The following IDI1 variants were observed in gnomAD, a reference collection of about 807,000 sequenced individuals.
IDI1 encodes the protein isopentenyl-diphosphate Delta-isomerase 1.
In IDI1, 23 loss-of-function variants were observed where a neutral mutation model predicts 32.9. The ratio of observed to expected loss-of-function variants is 0.70; its 90% CI spans 0.50 to 0.99. The LOEUF is 0.99. Among genes scored for constraint, IDI1 ranks in the 50% least tolerant of loss-of-function variants. IDI1 has a pLI of 0.00. For synonymous variants in IDI1, 133 were observed against 128.2 expected (o/e 1.04, Z -0.25); for missense variants, 326 against 351.9 (o/e 0.93, Z 0.59).
Position 1,041,265 on chromosome 10 carries a change from C to G in IDI1, c.777G>C (p.Ala259=). 6.2e-7 allele frequency: 1 copy of G among 1,613,146 alleles called. No individual in the cohort carries two copies. ...KITPWFKIIA[A]TFLFKWWDNL... ...TATCCCACCATTTAAAGAGAAAAGTCGCTGCAATAATTTTAAACCATGGCG... is the reference window on the plus strand; with the variant it reads ...TATCCCACCATTTAAAGAGAAAAGTGGCTGCAATAATTTTAAACCATGGCG... The change falls in exon 5 of 5, where the codon GCG becomes GCC. Residue 259 remains alanine (A), a synonymous_variant. Transcript: ENST00000381344.
upstream of IDI1, among the ~76,000 whole-genome samples, chr10:1,051,152 A>G (rs1157639409): frequency 1.3e-5 from 2 of 152,188 alleles, no homozygotes; most frequent in African/African-American, 2.4e-5. Context: ...GAAAATACTG[A>G]TTTACTGAAT....
chr10:1,048,925 C>A lies in IDI1; in HGVS notation c.79G>T (p.Asp27Tyr). ...GGATGGCGCCCGCTTTGAGCACAGT[C>A]TGCGGCGCGCACCGCCCACTGGCCC... is the stretch of plus-strand genomic sequence containing the variant. ...GRGQWAVRAA[D>Y]CAQSGRHPGP... is the part of the protein sequence containing the mutation. Residue 27 changes from aspartate to tyrosine, a missense_variant, in exon 1 of 5, where the codon GAC becomes TAC. Asp to Tyr is a radical substitution (Grantham distance 160, BLOSUM62 -3). Transcript: ENST00000381344. 1.3e-6 allele frequency: 2 copies of A among 1,597,320 alleles called. No individual in the cohort carries two copies. Among genetic ancestry groups the A allele is most frequent in the Admixed American group, 1.7e-5 (1 of 59,186 alleles).
intron 1 of IDI1, 72 bp downstream of exon 1, chr10:1,048,792 C>G: frequency 6.4e-7 from 1 of 1,555,016 alleles, no homozygotes; most frequent in South Asian, 1.2e-5. Context: ...GGGCCTCCTC[C>G]CCGCCCCGTC....
rs144587844 is a variant in IDI1, at chr10:1,044,021, G to A, written c.291C>T (p.His97=). 61 of 1,612,180 alleles carry A rather than the reference G, an allele frequency of 3.8e-5. No homozygotes were observed. The highest frequency in any genetic ancestry group is 5.2e-5 in the Non-Finnish European group (61 of 1,179,528). Residue 97 remains histidine (H), a synonymous_variant, in exon 2 of 5, where the codon CAC becomes CAT. Transcript: ENST00000381344. ...CACCTTTCTCAATGTTCTCGTTCAG[G>A]TGACAATTCTTCTTGGTCTCAGCTC... ...KIGAETKKNC[H]LNENIEKGLL...
At chr10:1,049,597 G>A (rs1832936602), upstream of IDI1, 1 of 153,956 alleles carries the variant, frequency 6.5e-6, no homozygotes, top group South Asian at 1.8e-4. Context: ...AAGTCGCCGG[G>A]GGTGTGGGGT....
At chr10:1,052,682 AG>A (rs1311727557), upstream of IDI1, among the ~76,000 whole-genome samples, 1 of 152,152 alleles carries the variant, frequency 6.6e-6, no homozygotes, top group Non-Finnish European at 1.5e-5. Flanking sequence ...GCTGTCATCT[AG>A]GCTTTGTTGT....
At chr10:1,053,427 G>C (rs534297083), upstream of IDI1, among the ~76,000 whole-genome samples, 1 of 152,258 alleles carries the variant, frequency 6.6e-6, no homozygotes, top group Non-Finnish European at 1.5e-5. Flanking sequence ...ACTGAAGAGA[G>C]TTAGGGCCTT....
chr10:1,052,588 G>A (rs373258992), upstream of IDI1, among the ~76,000 whole-genome samples: 41 of 152,272 alleles, frequency 2.7e-4, 1 homozygote, highest in East Asian at 4.8e-3. Context: ...ATTTTGAAAC[G>A]AAATCTTTTT....
Position 1,042,751 on chromosome 10 carries a change from T to G in IDI1, c.418A>C (p.Asn140His). ...CTTAATGGATGACTACAACACGTAT[T>G]CGTAAAACAACCTGGAAAATGGTAA... ...AKITFPGCFT[N>H]TCCSHPLSNP... The change falls in exon 4 of 5, where the codon AAT (asparagine) becomes CAT (histidine). Residue 140 changes from asparagine (N) to histidine (H), a missense_variant. Around this residue, in one of 2 missense-constraint regions of IDI1, gnomAD observed 205 missense variants for 273.5 expected, o/e 0.75. Coordinates refer to ENST00000381344, the MANE Select transcript of IDI1 (RefSeq NM_004508.4). 1 of 1,613,814 alleles carries G rather than the reference T, an allele frequency of 6.2e-7. No individual in the cohort carries two copies. The highest frequency in any genetic ancestry group is 8.5e-7 in the Non-Finnish European group (1 of 1,179,794).
At chr10:1,043,460 G>GT in intron 2 of IDI1, 67 bp from the exon 3 acceptor site, 1 of 950,938 alleles carries the variant, frequency 1.1e-6, no homozygotes, top group African/African-American at 1.6e-5. Flanking sequence ...TTCTCTCCCT[G>GT]CAGTTCAGAA....
In IDI1 at chr10:1,042,747, G is replaced by C; in HGVS notation, c.422C>G (p.Thr141Arg). Residue 141 changes from threonine (T) to arginine (R), a missense_variant, in exon 4 of 5, where the codon ACG becomes AGG. This residue lies in a region of IDI1 where 205 missense variants were observed against 273.5 expected (regional missense o/e 0.75). Transcript: ENST00000381344. The part of the protein sequence containing the change: ...KITFPGCFTN[T>R]CCSHPLSNPA... ...ATTGCTTAATGGATGACTACAACAC[G>C]TATTCGTAAAACAACCTGGAAAATG... is the stretch of plus-strand genomic sequence containing the variant. 2.5e-6 allele frequency: 4 copies of C among 1,613,528 alleles called. No homozygotes were observed. Among genetic ancestry groups the C allele is most frequent in the Non-Finnish European group, 3.4e-6 (4 of 1,179,654 alleles).
intron 1 of IDI1, among the ~76,000 whole-genome samples, chr10:1,044,452 T>TA (rs1832736571): frequency 6.6e-6 from 1 of 152,346 alleles, no homozygotes; most frequent in Admixed American, 6.5e-5. Flanking sequence ...CAGCACTTGA[T>TA]ACTCAATCCT....
At position 1,049,072 on chromosome 10, in the gene IDI1, C is replaced by T. The variant is rs1832903677; in HGVS notation, c.-69G>A. 3.5e-6 allele frequency: 5 copies of T among 1,423,184 alleles called. No homozygotes were observed. The highest frequency in any genetic ancestry group is 1.5e-5 in the African/African-American group (1 of 66,330). The allele number at this position is 1,423,184 out of a possible 1,614,324, so 88.2% of individuals were successfully genotyped here. ...CGCCAAGCTTCGCCTGGTGGTGCCACCTCCCTGGCCTGTGACAACGGCAGA... is the reference window on the plus strand; with the variant it reads ...CGCCAAGCTTCGCCTGGTGGTGCCATCTCCCTGGCCTGTGACAACGGCAGA... On this transcript the variant is annotated 5_prime_UTR_variant, in exon 1 of 5. It adds an upstream start codon to the 5' untranslated region. Coordinates refer to ENST00000381344, the MANE Select transcript of IDI1 (RefSeq NM_004508.4).
intron 1 of IDI1, 73 bp downstream of exon 1, chr10:1,048,790 TC>T: frequency 6.4e-7 from 1 of 1,551,460 alleles, no homozygotes; most frequent in African/African-American, 1.4e-5. Context: ...TCGGGCCTCC[TC>T]CCCGCCCCGT....
At chr10:1,043,744 G>A in intron 2 of IDI1, 1 of 661,946 alleles carries the variant, frequency 1.5e-6, no homozygotes, top group Non-Finnish European at 2.8e-6. Context: ...GCTGCTGTAT[G>A]TCAGGGCTAG....
chr10:1,045,084 G>GT (rs1366243643), intron 1 of IDI1, among the ~76,000 whole-genome samples: 1 of 152,264 alleles, frequency 6.6e-6, no homozygotes, highest in East Asian at 1.9e-4. Context: ...CTCACAGGAC[G>GT]TAACAACAGG....
upstream of IDI1, chr10:1,049,301 G>A (rs998692341): frequency 7.1e-6 from 3 of 421,786 alleles, no homozygotes; most frequent in Non-Finnish European, 1.3e-5. Context: ...CAGACGTCTC[G>A]AGGCTCGCGT....
In IDI1 at chr10:1,040,164, C is replaced by T. The variant is rs1295170266; in HGVS notation, c.*1023G>A. ...ACATTGATCAAGGTACAATTTTTAA[C>T]ATTAATATACACATTCCATAATCTC... On this transcript the variant is annotated 3_prime_UTR_variant, in exon 5 of 5. Transcript: ENST00000381344. 6.6e-6 allele frequency: 1 copy of T among 152,188 alleles called. No homozygotes were observed. The highest frequency in any genetic ancestry group is 2.4e-5 in the African/African-American group (1 of 41,442). 9.4% of individuals were successfully genotyped at this position (152,188 alleles called of 1,614,324 possible).
chr10:1,051,565 C>T (rs1490607681), upstream of IDI1, among the ~76,000 whole-genome samples: 1 of 152,202 alleles, frequency 6.6e-6, no homozygotes, highest in Non-Finnish European at 1.5e-5. Context: ...TTCCTGGAGA[C>T]AACAATCATA....
Sources: allele counts gnomAD v4.1 joint callset (sites outside exome capture counted in the v4.1 genomes callset), GRCh38; gene constraint gnomAD v4.1.1; regional missense constraint gnomAD v4.1.1; transcripts MANE v1.5; gene names NCBI Gene and HGNC (gene_info 2026-07-23, HGNC 2026-07-21).